Variants in PCDHA2 observed in about 807,000 individuals in gnomAD.
The protein encoded by PCDHA2 is protocadherin alpha-2.
PCDHA2 carries 58 observed loss-of-function variants against 66.0 expected under a neutral mutation model. The observed-to-expected ratio is 0.88, with a 90% confidence interval of 0.71 to 1.09. PCDHA2 has a LOEUF of 1.09. PCDHA2 is among the 50% of genes least tolerant of loss of function. The pLI, the probability that PCDHA2 is intolerant of heterozygous loss-of-function variation, is 0.00. For missense variants in PCDHA2, 1,267 were observed against 1,242.3 expected (o/e 1.02, Z -0.30); for synonymous variants, 634 against 554.0 (o/e 1.14, Z -2.03).
intron 1 of PCDHA2, among the ~76,000 whole-genome samples, chr5:140,915,168 C>T (rs181934284): frequency 6.0e-4 from 92 of 152,112 alleles, no homozygotes; most frequent in Middle Eastern, 3.4e-3. Context: ...AGGATAGTCT[C>T]GATCTCTTGA....
chr5:140,927,265 C>G lies in PCDHA2; in HGVS notation c.2389-51684C>G, dbSNP rs2084026948. The G allele has an allele frequency of 6.2e-7, 1 of 1,614,168 alleles. No individual in the cohort carries two copies. Among genetic ancestry groups the G allele is most frequent in the Non-Finnish European group, 8.5e-7 (1 of 1,180,038 alleles). On this transcript the variant is annotated intron_variant, in intron 1 of 3. Coordinates refer to ENST00000526136, the MANE Select transcript of PCDHA2 (RefSeq NM_018905.3). ...CACCAATGACAACTCACCTCTCTTTCCTGCCGGCGACGTGCAGCTGCACAT... is the reference window on the plus strand; with the variant it reads ...CACCAATGACAACTCACCTCTCTTTGCTGCCGGCGACGTGCAGCTGCACAT...
intron 1 of PCDHA2, chr5:140,968,106 C>A: frequency 6.2e-7 from 1 of 1,614,134 alleles, no homozygotes; most frequent in Non-Finnish European, 8.5e-7. Flanking sequence ...GGGGGAATAC[C>A]GCAGCTCACA....
intron 1 of PCDHA2, chr5:140,803,073 C>A (rs782642335): frequency 2.5e-6 from 4 of 1,613,942 alleles, no homozygotes; most frequent in Non-Finnish European, 3.4e-6. Context: ...TCGCGTGGGG[C>A]TGTACACGGG....
In PCDHA2 at chr5:140,851,314, CTTG is replaced by C. The variant is rs1205555988; in HGVS notation, c.2388+53965_2388+53967del. On this transcript the variant is annotated intron_variant, in intron 1 of 3. Coordinates refer to ENST00000526136, the MANE Select transcript of PCDHA2 (RefSeq NM_018905.3). ...AGCAAAAATATATAGCAATTGTTACCTTGTTAAGTTTGTAGTTCTCTACATTTC... is the reference window on the plus strand; with the variant it reads ...AGCAAAAATATATAGCAATTGTTACCTTAAGTTTGTAGTTCTCTACATTTC... 1.1e-5 allele frequency: 11 copies of C among 997,988 alleles called. 1 individual carries two copies. The South Asian group carries it at 3.6e-4, about 33-fold the overall frequency. The allele number at this position is 997,988 out of a possible 1,614,324, so 61.8% of individuals were successfully genotyped here.
intron 1 of PCDHA2, chr5:140,821,785 T>G: frequency 6.2e-7 from 1 of 1,611,178 alleles, no homozygotes; most frequent in East Asian, 2.2e-5. Flanking sequence ...GATGGTATAT[T>G]CCCGGAGAGG....
At chr5:140,967,792 A>C (rs371669028) in intron 1 of PCDHA2, 5 of 1,614,212 alleles carry the variant, frequency 3.1e-6, no homozygotes, top group Non-Finnish European at 4.2e-6. Flanking sequence ...ACCGGGGTCC[A>C]GTGCCCATGG....
intron 1 of PCDHA2, chr5:140,834,259 ACT>A: frequency 1.0e-6 from 1 of 957,536 alleles, no homozygotes; most frequent in Non-Finnish European, 1.6e-6. Context: ...AAGACGCTCC[ACT>A]CTCTTTCACT....
chr5:140,836,311 C>G, intron 1 of PCDHA2: 1 of 1,613,662 alleles, frequency 6.2e-7, no homozygotes, highest in Non-Finnish European at 8.5e-7. Context: ...ACGGACGCAC[C>G]GCGCCACCGC....
intron 1 of PCDHA2, among the ~76,000 whole-genome samples, chr5:140,973,634 C>T (rs2096596343): frequency 6.6e-6 from 1 of 152,220 alleles, no homozygotes; most frequent in African/African-American, 2.4e-5. Flanking sequence ...ATCTTGTACA[C>T]ATTCTGACTG....
At chr5:140,803,751 GT>G (rs1763275298) in intron 1 of PCDHA2, 2 of 1,306,174 alleles carry the variant, frequency 1.5e-6, no homozygotes, top group Non-Finnish European at 2.1e-6. Context: ...TAAGATTTTT[GT>G]TGCTAATTTT....
chr5:140,866,355 C>T (rs1031469942), intron 1 of PCDHA2: 16 of 152,086 alleles, frequency 1.1e-4, no homozygotes, highest in African/African-American at 3.6e-4. Flanking sequence ...GAAATGTTTA[C>T]AATATTGCAT....
intron 3 of PCDHA2, among the ~76,000 whole-genome samples, chr5:141,000,648 G>A (rs559996046): frequency 8.9e-4 from 134 of 150,894 alleles, no homozygotes; most frequent in African/African-American, 2.6e-3. Flanking sequence ...GGCTGGTCTC[G>A]AACTCCTGAC....
intron 1 of PCDHA2, chr5:140,809,244 C>T (rs1554125101): frequency 9.9e-6 from 16 of 1,614,096 alleles, no homozygotes; most frequent in Non-Finnish European, 1.4e-5. Context: ...TTGGTGGGCG[C>T]TGTGGGTCCC....
chr5:140,858,857 T>G (rs1461225886), intron 1 of PCDHA2: 1 of 267,642 alleles, frequency 3.7e-6, no homozygotes, highest in African/African-American at 2.3e-5. Flanking sequence ...CTATATCTCT[T>G]CAGTGAAAAT....
intron 1 of PCDHA2, among the ~76,000 whole-genome samples, chr5:140,932,340 C>G (rs1339952181): frequency 6.6e-6 from 1 of 151,864 alleles, no homozygotes; most frequent in Non-Finnish European, 1.5e-5. Flanking sequence ...GCATGAAACA[C>G]TTACCATACA....
At chr5:140,866,812 C>A (rs1172521123) in intron 1 of PCDHA2, 1 of 152,120 alleles carries the variant, frequency 6.6e-6, no homozygotes, top group Non-Finnish European at 1.5e-5. Context: ...CACAAAGTTC[C>A]TTAATCTTCA....
intron 1 of PCDHA2, chr5:140,803,351 T>C (rs1554122748): frequency 4.3e-6 from 7 of 1,614,186 alleles, no homozygotes; most frequent in Admixed American, 1.7e-5. Flanking sequence ...TGCTGCTATA[T>C]ACTGCTCTGC....
At chr5:140,851,067 G>A in intron 1 of PCDHA2, 4 of 1,367,668 alleles carry the variant, frequency 2.9e-6, no homozygotes, top group Non-Finnish European at 3.8e-6. Context: ...CTTCTAGTGA[G>A]AATTATAAAC....
chr5:140,881,538 C>CT lies in PCDHA2; in HGVS notation c.2388+84189dup, dbSNP rs1216394306. ...AAATCCCACACATATTGACTGAACA[C>CT]TTTCTTTTGAATATAAATATCTTAT... On this transcript the variant is annotated intron_variant, in intron 1 of 3. Transcript: ENST00000526136. Among the ~76,000 whole-genome samples, 3 of 152,196 alleles carry CT rather than the reference C, an allele frequency of 2.0e-5. No homozygotes were observed. In the East Asian group the frequency reaches 5.8e-4, roughly 29 times the overall value.
Sources: gnomAD v4.1 joint callset for allele counts (sites outside exome capture counted in the v4.1 genomes callset) on GRCh38, gnomAD v4.1.1 for gene constraint, MANE v1.5 for transcripts, NCBI Gene and HGNC (gene_info 2026-07-23, HGNC 2026-07-21) for gene names.